TSPAN13: variants seen among roughly 807,000 people sequenced by gnomAD.
TSPAN13 encodes the protein tetraspanin-13.
Under a neutral mutation model 26.9 loss-of-function variants are expected in TSPAN13, and 18 were observed. The observed-to-expected ratio is 0.67, with a 90% CI of 0.46 to 0.99. TSPAN13 has a LOEUF of 0.99. Ranked by LOEUF, TSPAN13 falls within the 50% of genes least tolerant of loss-of-function variation. The probability of loss-of-function intolerance (pLI) is 0.00; values close to 1 mark genes in which losing one functional copy is unlikely to be tolerated. For synonymous variants in TSPAN13, 116 were observed against 98.4 expected, an observed-to-expected ratio of 1.18 and a Z score of -1.06; for missense variants, 201 against 249.6, an observed-to-expected ratio of 0.81 and a Z score of 1.31.
At chr7:16,754,171 C>G (rs1018838515) in intron 1 of TSPAN13, 141 bp downstream of exon 1, 1 of 874,916 alleles carries the variant, frequency 1.1e-6, no homozygotes, top group South Asian at 1.5e-5. Context: ...CGCCCCCGGC[C>G]TCACCATCCG....
intron 1 of TSPAN13, among the ~76,000 whole-genome samples, chr7:16,763,058 A>C (rs1784564186): frequency 6.6e-6 from 1 of 152,114 alleles, no homozygotes; most frequent in Admixed American, 6.5e-5. Flanking sequence ...TCTGCAGGCA[A>C]CCATGGACCT....
At chr7:16,778,046 A>G (rs2115336018) in intron 4 of TSPAN13, 135 bp downstream of exon 4, 2 of 655,776 alleles carry the variant, frequency 3.0e-6, no homozygotes, top group Non-Finnish European at 4.9e-6. Flanking sequence ...TTATATTTCC[A>G]TGTCCTCTGT....
chr7:16,753,879 A>G lies in TSPAN13; in HGVS notation c.-89A>G, dbSNP rs6975847. The G allele has an allele frequency of 0.42, 575,115 of 1,381,792 alleles. 123,554 individuals are homozygous for G. The highest frequency in any genetic ancestry group is 0.45 in the African/African-American group (31,574 of 69,462). The allele number at this position is 1,381,792 out of a possible 1,614,324, so 85.6% of individuals were successfully genotyped here. A position where few individuals can be genotyped will look rare whatever the true frequency, so the allele number is the denominator to read the frequency against. On this transcript the variant is annotated 5_prime_UTR_variant, in exon 1 of 6. Coordinates refer to ENST00000262067, the MANE Select transcript of TSPAN13 (RefSeq NM_014399.4). The stretch of plus-strand genomic sequence containing the variant: ...TCTGCGTTGCTGCCCCGCCTGGGCC[A>G]GGCCCCAAAGGCAAGGACAAAGCAG...
chr7:16,766,052 C>A (rs1156485553), intron 1 of TSPAN13, among the ~76,000 whole-genome samples: 1 of 152,120 alleles, frequency 6.6e-6, no homozygotes, highest in Non-Finnish European at 1.5e-5. Context: ...TAAAAGTCTC[C>A]TTTTTAGTAA....
chr7:16,780,115 T>G (rs1269871642), intron 5 of TSPAN13, among the ~76,000 whole-genome samples: 1 of 151,792 alleles, frequency 6.6e-6, no homozygotes, highest in East Asian at 1.9e-4. Flanking sequence ...ATTTATTTAT[T>G]TTGAGACAGA....
rs1784449058 is a variant in TSPAN13, at chr7:16,753,812, G to T, written c.-156G>T. On this transcript the variant is annotated 5_prime_UTR_variant, in exon 1 of 6. Coordinates refer to ENST00000262067, the MANE Select transcript of TSPAN13 (RefSeq NM_014399.4). ...GCGGGTCCGAGCCGCCGCCGCGCGC[G>T]CGCCGCGCACTGCAGCCCCAGGCCC... The T allele has an allele frequency of 1.5e-6, 1 of 651,258 alleles. No individual in the cohort carries two copies. Among genetic ancestry groups the T allele is most frequent in the Non-Finnish European group, 2.4e-6 (1 of 408,746 alleles). The allele number at this position is 651,258 out of a possible 1,614,324, so 40.3% of individuals were successfully genotyped here. A position where few individuals can be genotyped will look rare whatever the true frequency, so the allele number is the denominator to read the frequency against.
At chr7:16,757,502 A>C (rs781080168) in intron 1 of TSPAN13, among the ~76,000 whole-genome samples, 36 of 137,300 alleles carry the variant, frequency 2.6e-4, no homozygotes, top group Non-Finnish European at 5.4e-4. Flanking sequence ...TTAAAAACAA[A>C]CAACCAAAAA....
In TSPAN13 at chr7:16,774,449, G is replaced by A. The variant is rs116277650; in HGVS notation, c.64-1762G>A. ...ATCATCCAGCACTCCTTCTTCCTTC[G>A]CACCTCCTTCAGGCTTCTGTCTTTT... On this transcript the variant is annotated intron_variant, in intron 1 of 5. Transcript: ENST00000262067. Among the ~76,000 whole-genome samples, 526 of 152,204 alleles carry A rather than the reference G, an allele frequency of 3.5e-3. 4 individuals are homozygous for A. The highest frequency in any genetic ancestry group is 0.012 in the African/African-American group (492 of 41,538).
At chr7:16,776,634 A>G (rs1213416357) in intron 2 of TSPAN13, among the ~76,000 whole-genome samples, 5 of 152,196 alleles carry the variant, frequency 3.3e-5, no homozygotes, top group African/African-American at 1.2e-4. Context: ...TTGTAAATTC[A>G]GAGTTAAATT....
intron 1 of TSPAN13, among the ~76,000 whole-genome samples, chr7:16,769,695 A>G (rs1464190817): frequency 2.0e-5 from 3 of 152,014 alleles, no homozygotes; most frequent in Admixed American, 1.3e-4. Flanking sequence ...TTTCCTTTGT[A>G]GATGCTCCTA....
intron 1 of TSPAN13, among the ~76,000 whole-genome samples, chr7:16,770,167 TTTTA>T (rs1273953189): frequency 2.0e-5 from 3 of 151,436 alleles, no homozygotes; most frequent in East Asian, 3.9e-4. Flanking sequence ...CCTTTTATCT[TTTTA>T]TTTTTCTGTT....
rs189110834 is a variant in TSPAN13 at position 16,762,179 on chromosome 7, A to G, written c.63+8149A>G. On this transcript the variant is annotated intron_variant, in intron 1 of 5. Coordinates refer to ENST00000262067, the MANE Select transcript of TSPAN13 (RefSeq NM_014399.4). ...ATTGAAGGTTATGTAGACAGAGAAT[A>G]ATATGGAACATCATTAGGCTGACTT... Among the ~76,000 whole-genome samples the G allele has an allele frequency of 2.6e-5, 4 of 152,336 alleles. No homozygotes were observed. The East Asian group carries it at 7.7e-4, about 29-fold the overall frequency.
intron 1 of TSPAN13, among the ~76,000 whole-genome samples, chr7:16,756,559 T>A (rs1365667285): frequency 1.3e-5 from 2 of 152,212 alleles, no homozygotes; most frequent in Non-Finnish European, 2.9e-5. Flanking sequence ...AGAAAGCATG[T>A]CACTAAAAAC....
Position 16,776,369 on chromosome 7 carries a change from G to A in TSPAN13, c.222G>A (p.Leu74=). ...LIGAVKHHQV[L]LFFYMIILLL... is the part of the protein sequence containing the mutation. The stretch of plus-strand genomic sequence containing the variant: ...GAGCTGTAAAACATCATCAGGTGTT[G>A]CTATTTTTTGTATCCTTTTTAAAAA... Residue 74 remains leucine, a synonymous_variant, in exon 2 of 6, where the codon TTG becomes TTA. Transcript: ENST00000262067. The A allele has an allele frequency of 6.2e-7, 1 of 1,610,776 alleles. No homozygotes were observed. The highest frequency in any genetic ancestry group is 8.5e-7 in the Non-Finnish European group (1 of 1,178,428).
chr7:16,760,800 C>T (rs930150248), intron 1 of TSPAN13, among the ~76,000 whole-genome samples: 23 of 152,018 alleles, frequency 1.5e-4, no homozygotes, highest in African/African-American at 3.4e-4. Context: ...AGATGGGGAC[C>T]GAGAGTTGGT....
At chr7:16,758,731 C>T (rs552825412) in intron 1 of TSPAN13, among the ~76,000 whole-genome samples, 16 of 150,442 alleles carry the variant, frequency 1.1e-4, no homozygotes, top group Non-Finnish European at 1.8e-4. Context: ...ACTGTAGAAT[C>T]GAATATTTCT....
At position 16,771,675 on chromosome 7, in the gene TSPAN13, C is replaced by T. The variant is rs1342928007; in HGVS notation, c.64-4536C>T. On this transcript the variant is annotated intron_variant, in intron 1 of 5. Transcript: ENST00000262067. ...AAGGAAACAGATTCTCCCTCTGGAG[C>T]TTTCAGGAGTACAACCTGACCAACA... 2.0e-5 allele frequency among the ~76,000 whole-genome samples: 3 copies of T among 152,338 alleles called. No individual in the cohort carries two copies. In the South Asian group the frequency reaches 6.2e-4, roughly 32 times the overall value.
chr7:16,769,571 T>A lies in TSPAN13; in HGVS notation c.64-6640T>A, dbSNP rs7789666. ...ATTACAAATTATATCCTAAAAAGTA[T>A]GTGAAAAAAATTTTTTTTGGTGCAT... On this transcript the variant is annotated intron_variant, in intron 1 of 5. Transcript: ENST00000262067. Among the ~76,000 whole-genome samples, 5 of 152,084 alleles carry A rather than the reference T, an allele frequency of 3.3e-5. No homozygotes were observed. In the South Asian group the frequency reaches 8.3e-4, roughly 25 times the overall value.
intron 1 of TSPAN13, among the ~76,000 whole-genome samples, chr7:16,770,110 A>AAT (rs1365917710): frequency 2.0e-5 from 3 of 151,126 alleles, no homozygotes; most frequent in African/African-American, 7.3e-5. Context: ...ACTCTTTTTT[A>AAT]AGTTTGCATT....
Sources: gnomAD v4.1 joint callset for allele counts (sites outside exome capture counted in the v4.1 genomes callset) on GRCh38, gnomAD v4.1.1 for gene constraint, MANE v1.5 for transcripts, NCBI Gene and HGNC (gene_info 2026-07-23, HGNC 2026-07-21) for gene names.